The following RAB11FIP3 variants were observed in gnomAD, a reference collection of about 807,000 sequenced individuals.
RAB11FIP3 encodes RAB11 family interacting protein 3, also known as rab11 family-interacting protein 3.
A neutral mutation model predicts 77.8 loss-of-function variants in RAB11FIP3; 17 were observed. The observed-to-expected ratio is 0.22, with a 90% confidence interval of 0.15 to 0.33. The LOEUF (loss-of-function observed/expected upper bound fraction) is 0.33, where lower values mean the gene tolerates loss of function less well. Among genes scored for constraint, RAB11FIP3 ranks in the 10% least tolerant of loss-of-function variants. The pLI is 1.00. For missense variants in RAB11FIP3, 1,005 were observed against 1,011.2 expected, an observed-to-expected ratio of 0.99 and a Z score of 0.08; for synonymous variants, 437 against 448.2, an observed-to-expected ratio of 0.98 and a Z score of 0.31.
At position 437,680 on chromosome 16, in the gene RAB11FIP3, A is replaced by G. The variant is rs543492082; in HGVS notation, c.714+10960A>G. ...CCAAGTACACTGAACTGATAACTAT[A>G]TGTTATAGACATCAGAACATCACTG... On this transcript the variant is annotated intron_variant, in intron 1 of 13. Transcript: ENST00000262305. 5.9e-5 allele frequency among the ~76,000 whole-genome samples: 9 copies of G among 152,158 alleles called. No individual in the cohort carries two copies. In the South Asian group the frequency reaches 1.7e-3, roughly 28 times the overall value.
At chr16:492,425 C>T (rs8051171) in intron 5 of RAB11FIP3, among the ~76,000 whole-genome samples, 4,821 of 41,054 alleles carry the variant, frequency 0.12, 102 homozygotes, top group African/African-American at 0.27. Context: ...CCAGGGCCCT[C>T]CCCGGGAGAC....
In RAB11FIP3 at chr16:426,570, C is replaced by T; in HGVS notation, c.564C>T (p.Ser188=). ...PGSPPQPSDL[S]QTHPLPSEPV... is the part of the protein sequence containing the mutation. ...CCCCGCCGCAGCCCTCGGACCTCAG[C>T]CAGACCCACCCCCTTCCGAGCGAGC... Residue 188 remains serine (S), a synonymous_variant, in exon 1 of 14, where the codon AGC becomes AGT. Coordinates refer to ENST00000262305, the MANE Select transcript of RAB11FIP3 (RefSeq NM_014700.4). The surrounding 1 kb of genome is among the most constrained non-coding windows in gnomAD (Gnocchi z 5.0). The T allele has an allele frequency of 6.3e-7, 1 of 1,594,240 alleles. No individual in the cohort carries two copies. Among genetic ancestry groups the T allele is most frequent in the Non-Finnish European group, 8.5e-7 (1 of 1,172,116 alleles).
chr16:518,943 G>T lies in RAB11FIP3; in HGVS notation c.1641G>T (p.Arg547Ser), dbSNP rs769181818. Reference protein sequence around the residue: ...KSIEIENLQTRLQQLDEENSE... With the variant: ...KSIEIENLQTSLQQLDEENSE... ...TTTCAGCTTTGTTCTTGTGTCCCAG[G>T]CTACAGCAACTGGACGAGGAGAACA... The change falls in exon 10 of 14, where the codon AGG (arginine) becomes AGT (serine). Residue 547 changes from arginine to serine, a missense_variant and splice_region_variant. Around this residue, in one of 4 missense-constraint regions of RAB11FIP3, gnomAD observed 433 missense variants for 436.1 expected, o/e 0.99. Coordinates refer to ENST00000262305, the MANE Select transcript of RAB11FIP3 (RefSeq NM_014700.4). 6 of 1,613,400 alleles carry T rather than the reference G, an allele frequency of 3.7e-6. No individual in the cohort carries two copies. Among genetic ancestry groups the T allele is most frequent in the African/African-American group, 1.3e-5 (1 of 74,924 alleles).
chr16:494,985 T>G (rs1211341266), intron 5 of RAB11FIP3, among the ~76,000 whole-genome samples: 1 of 150,112 alleles, frequency 6.7e-6, no homozygotes, highest in Non-Finnish European at 1.5e-5. Context: ...GAGGATCACA[T>G]GAGCCGGGGA....
intron 6 of RAB11FIP3, among the ~76,000 whole-genome samples, chr16:502,224 G>A (rs988069590): frequency 6.6e-6 from 1 of 152,260 alleles, no homozygotes; most frequent in African/African-American, 2.4e-5. Context: ...ATCTGACCAC[G>A]TGGTGACCAC....
chr16:445,156 G>T (rs1397836783), intron 1 of RAB11FIP3, among the ~76,000 whole-genome samples: 1 of 146,378 alleles, frequency 6.8e-6, no homozygotes, highest in African/African-American at 2.6e-5. Context: ...GTTCAGGCTG[G>T]GTGCGGTGGC....
chr16:435,595 G>A (rs1166758060), intron 1 of RAB11FIP3, among the ~76,000 whole-genome samples: 13 of 152,208 alleles, frequency 8.5e-5, no homozygotes, highest in Admixed American at 8.5e-4. Context: ...TGTGTTGGGA[G>A]ATATGAGTGT....
intron 6 of RAB11FIP3, among the ~76,000 whole-genome samples, chr16:500,687 CAAAAAAA>C (rs56771770): frequency 0.081 from 1,799 of 22,212 alleles, 17 homozygotes; most frequent in South Asian, 0.11. Context: ...GACTCTGTCG[CAAAAAAA>C]AAAAAAAAAA....
At chr16:455,073 GCTTT>G (rs1416227854) in intron 1 of RAB11FIP3, among the ~76,000 whole-genome samples, 3 of 148,936 alleles carry the variant, frequency 2.0e-5, no homozygotes, top group Admixed American at 6.7e-5. Context: ...AAAAAACTAG[GCTTT>G]CTTTCTTTTT....
intron 1 of RAB11FIP3, among the ~76,000 whole-genome samples, chr16:432,290 TCGCTTGAACCTGG>T (rs1261825128): frequency 6.6e-6 from 1 of 151,924 alleles, no homozygotes. Flanking sequence ...GGCAGGAGAA[TCGCTTGAACCTGG>T]GAGGCAGAGG....
intron 6 of RAB11FIP3, among the ~76,000 whole-genome samples, chr16:500,516 A>C (rs922392011): frequency 6.6e-6 from 1 of 151,762 alleles, no homozygotes; most frequent in East Asian, 1.9e-4. Context: ...CCCCATCTCT[A>C]CTAAAAAAAA....
At position 505,670 on chromosome 16, in the gene RAB11FIP3, C is replaced by G. The variant is rs2031835112; in HGVS notation, c.1499+43C>G. On this transcript the variant is annotated intron_variant, in intron 8 of 13. Coordinates refer to ENST00000262305, the MANE Select transcript of RAB11FIP3 (RefSeq NM_014700.4). The surrounding 1 kb of genome is among the most constrained non-coding windows in gnomAD (Gnocchi z 4.0). ...GACCCGGGCCTCTGCGTGGCGCCTC[C>G]TGTGCCCGCCTGTCAGCCCCCATTT... The G allele has an allele frequency of 6.9e-7, 1 of 1,445,062 alleles. No individual in the cohort carries two copies. Among genetic ancestry groups the G allele is most frequent in the Admixed American group, 2.0e-5 (1 of 49,370 alleles). The allele number at this position is 1,445,062 out of a possible 1,614,324, so 89.5% of individuals were successfully genotyped here.
chr16:471,153 T>TTGTCTTGA lies in RAB11FIP3; in HGVS notation c.809-141_809-134dup. On this transcript the variant is annotated intron_variant, in intron 2 of 13. Coordinates refer to ENST00000262305, the MANE Select transcript of RAB11FIP3 (RefSeq NM_014700.4). The surrounding 1 kb of genome is among the most constrained non-coding windows in gnomAD (Gnocchi z 4.4). ...GGATTTCTCATGCTCACTCCCTTGCTTGTCTTGACCCCCCCCAGGGCCCCC... is the reference window on the plus strand; with the variant it reads ...GGATTTCTCATGCTCACTCCCTTGCTTGTCTTGATGTCTTGACCCCCCCCAGGGCCCCC... The TTGTCTTGA allele has an allele frequency of 1.5e-6, 1 of 662,274 alleles. No homozygotes were observed. The highest frequency in any genetic ancestry group is 2.7e-6 in the Non-Finnish European group (1 of 373,520). The allele number at this position is 662,274 out of a possible 1,614,324, so 41.0% of individuals were successfully genotyped here.
At chr16:493,609 C>CT (rs896358664) in intron 5 of RAB11FIP3, among the ~76,000 whole-genome samples, 2 of 152,126 alleles carry the variant, frequency 1.3e-5, no homozygotes, top group African/African-American at 2.4e-5. Context: ...GGTATATTTT[C>CT]TTTTTTCTTT....
At chr16:468,951 G>A (rs1273430949) in intron 2 of RAB11FIP3, among the ~76,000 whole-genome samples, 2 of 152,126 alleles carry the variant, frequency 1.3e-5, no homozygotes, top group Non-Finnish European at 2.9e-5. Flanking sequence ...GCTGTCATGC[G>A]CTGTGTCCAA....
chr16:492,324 C>T (rs1448990779), intron 5 of RAB11FIP3, among the ~76,000 whole-genome samples: 1 of 130,816 alleles, frequency 7.6e-6, no homozygotes, highest in African/African-American at 3.3e-5. Context: ...GTCTTGGCAG[C>T]ACTGGTGAGA....
intron 1 of RAB11FIP3, among the ~76,000 whole-genome samples, chr16:447,276 G>C (rs887758027): frequency 1.3e-5 from 2 of 152,120 alleles, no homozygotes; most frequent in Non-Finnish European, 2.9e-5. Flanking sequence ...GTGCACTCTA[G>C]CCTGGGCAGT....
At chr16:427,084 C>T (rs372852250) in intron 1 of RAB11FIP3, among the ~76,000 whole-genome samples, 1 of 152,144 alleles carries the variant, frequency 6.6e-6, no homozygotes, top group South Asian at 2.1e-4. Flanking sequence ...AAGAAGTTCC[C>T]CGCGATTCCC....
intron 9 of RAB11FIP3, among the ~76,000 whole-genome samples, chr16:512,038 C>T (rs2032203252): frequency 6.6e-6 from 1 of 152,058 alleles, no homozygotes; most frequent in South Asian, 2.1e-4. Context: ...AGCCCGCCCA[C>T]CCCAGAACCG....
Sources: allele counts gnomAD v4.1 joint callset (sites outside exome capture counted in the v4.1 genomes callset), GRCh38; gene constraint gnomAD v4.1.1; regional missense constraint gnomAD v4.1.1; non-coding constraint Gnocchi (gnomAD v3.1); transcripts MANE v1.5; gene names NCBI Gene and HGNC (gene_info 2026-07-23, HGNC 2026-07-21).